Variants in EYS observed in about 807,000 individuals in gnomAD.
EYS encodes protein eyes shut homolog.
EYS carries 250 observed loss-of-function variants against 282.1 expected under a neutral mutation model. The observed-to-expected ratio is 0.89, with a 90% CI of 0.80 to 0.98. The LOEUF (loss-of-function observed/expected upper bound fraction) is 0.98, where lower values mean the gene tolerates loss of function less well. EYS is among the 50% of genes least tolerant of loss of function. EYS has a pLI of 0.00. For missense variants in EYS, 4,016 were observed against 3,709.0 expected (o/e 1.08, Z -2.15); for synonymous variants, 1,355 against 1,282.9 (o/e 1.06, Z -1.20).
Position 64,238,934 on chromosome 6 carries a change from G to A in EYS, c.6192-8110C>T, listed in dbSNP as rs1350702138. ...CATCCCCTGACAAGCCCTGGTTTGT[G>A]ATGTTCCCCTCCCTGTGTCCATGTG... On this transcript the variant is annotated intron_variant, in intron 30 of 42. Coordinates refer to ENST00000503581, the MANE Select transcript of EYS (RefSeq NM_001142800.2). Among the ~76,000 whole-genome samples, 3 of 152,200 alleles carry A rather than the reference G, an allele frequency of 2.0e-5. No individual in the cohort carries two copies. The East Asian group carries it at 5.8e-4, about 29-fold the overall frequency.
chr6:63,848,172 C>T (rs1772148328), intron 36 of EYS, among the ~76,000 whole-genome samples: 1 of 151,936 alleles, frequency 6.6e-6, no homozygotes, highest in Non-Finnish European at 1.5e-5. Flanking sequence ...CATGTTTAAT[C>T]CTTGACTTTT....
intron 30 of EYS, among the ~76,000 whole-genome samples, chr6:64,286,857 G>A (rs1366361809): frequency 6.6e-6 from 1 of 152,038 alleles, no homozygotes; most frequent in Non-Finnish European, 1.5e-5. Context: ...CTATCAGTTT[G>A]TCTTTAGTGA....
At chr6:64,209,604 T>C (rs1285566757) in intron 31 of EYS, among the ~76,000 whole-genome samples, 1 of 152,242 alleles carries the variant, frequency 6.6e-6, no homozygotes, top group East Asian at 1.9e-4. Context: ...GATTATATTC[T>C]TTCTGCAGTA....
At chr6:63,805,796 AGGCAC>A (rs1582224868) in intron 37 of EYS, among the ~76,000 whole-genome samples, 2 of 152,146 alleles carry the variant, frequency 1.3e-5, no homozygotes, top group African/African-American at 4.8e-5. Context: ...CCCCTTTACT[AGGCAC>A]GTCTTCCTGC....
At chr6:65,027,958 T>TA (rs1772472099) in intron 13 of EYS, among the ~76,000 whole-genome samples, 1 of 152,168 alleles carries the variant, frequency 6.6e-6, no homozygotes, top group Non-Finnish European at 1.5e-5. Context: ...AGTGAATACT[T>TA]AATTAACACT....
chr6:63,910,898 G>T (rs1008984237), intron 35 of EYS, among the ~76,000 whole-genome samples: 7 of 152,026 alleles, frequency 4.6e-5, no homozygotes, highest in African/African-American at 1.7e-4. Context: ...TTAGATAGCA[G>T]TTGTTAATTA....
intron 26 of EYS, among the ~76,000 whole-genome samples, chr6:64,546,735 A>G (rs1032198019): frequency 5.3e-4 from 80 of 152,228 alleles, no homozygotes; most frequent in African/African-American, 1.9e-3. Flanking sequence ...ACTTCTCAAA[A>G]AGAAGACATT....
intron 12 of EYS, among the ~76,000 whole-genome samples, chr6:65,258,045 A>G (rs1169043105): frequency 6.6e-6 from 1 of 151,914 alleles, no homozygotes; most frequent in African/African-American, 2.4e-5. Flanking sequence ...GACAACAGAT[A>G]CTCCCTTTAC....
intron 12 of EYS, among the ~76,000 whole-genome samples, chr6:65,272,944 A>T (rs1221019869): frequency 6.6e-6 from 1 of 152,198 alleles, no homozygotes; most frequent in Non-Finnish European, 1.5e-5. Context: ...TTTATAAATT[A>T]GTCACAGTGC....
At position 63,825,596 on chromosome 6, in the gene EYS, G is replaced by A. The variant is rs114537467; in HGVS notation, c.7229-19224C>T. Among the ~76,000 whole-genome samples the A allele has an allele frequency of 8.4e-3, 1,282 of 152,308 alleles. 20 individuals carry two copies. Among genetic ancestry groups the A allele is most frequent in the African/African-American group, 0.029 (1,208 of 41,562 alleles). On this transcript the variant is annotated intron_variant, in intron 36 of 42. Coordinates refer to ENST00000503581, the MANE Select transcript of EYS (RefSeq NM_001142800.2). ...TCTATGCCGACAATGGCCAGTATCA[G>A]TCCAGAGTTAGGTAGACTCGCTGGA...
At chr6:64,002,633 G>A (rs1376978225) in intron 33 of EYS, among the ~76,000 whole-genome samples, 2 of 152,174 alleles carry the variant, frequency 1.3e-5, no homozygotes, top group Non-Finnish European at 2.9e-5. Flanking sequence ...AAACAGGGGA[G>A]GCACATCCCT....
intron 10 of EYS, among the ~76,000 whole-genome samples, chr6:65,340,629 A>T (rs1770163414): frequency 6.6e-6 from 1 of 151,000 alleles, no homozygotes; most frequent in African/African-American, 2.4e-5. Flanking sequence ...TCCTTCATAA[A>T]CTCTAACCAA....
intron 13 of EYS, among the ~76,000 whole-genome samples, chr6:65,052,854 T>G (rs2150155330): frequency 6.6e-6 from 1 of 151,818 alleles, no homozygotes; most frequent in East Asian, 1.9e-4. Context: ...AGCCAACCAC[T>G]TACGCCAGTG....
At chr6:63,906,046 G>A (rs1349211709) in intron 35 of EYS, among the ~76,000 whole-genome samples, 1 of 152,110 alleles carries the variant, frequency 6.6e-6, no homozygotes, top group Admixed American at 6.5e-5. Context: ...TATGCCACCT[G>A]GAAGCAAAAA....
chr6:64,481,274 G>GTGTGTA (rs1461029125), intron 26 of EYS, among the ~76,000 whole-genome samples: 69 of 140,620 alleles, frequency 4.9e-4, no homozygotes, highest in African/African-American at 1.6e-3. Flanking sequence ...GTGTGTGTGT[G>GTGTGTA]TATATATATA....
chr6:64,485,666 T>C (rs770124800), intron 26 of EYS, among the ~76,000 whole-genome samples: 1 of 151,498 alleles, frequency 6.6e-6, no homozygotes, highest in Non-Finnish European at 1.5e-5. Flanking sequence ...TCAATGATTA[T>C]AGAAGATTAG....
intron 2 of EYS, among the ~76,000 whole-genome samples, chr6:65,549,260 G>T (rs981807199): frequency 6.6e-6 from 1 of 152,180 alleles, no homozygotes; most frequent in Non-Finnish European, 1.5e-5. Flanking sequence ...AGCAGGCAAT[G>T]TATTAACTAA....
At chr6:63,826,487 G>A (rs1017264336) in intron 36 of EYS, among the ~76,000 whole-genome samples, 7 of 152,184 alleles carry the variant, frequency 4.6e-5, no homozygotes, top group Non-Finnish European at 1.0e-4. Context: ...TAAGAGCTGT[G>A]AGACAGAAGT....
chr6:64,028,634 G>A (rs1582161980), intron 33 of EYS, among the ~76,000 whole-genome samples: 1 of 152,130 alleles, frequency 6.6e-6, no homozygotes, highest in Non-Finnish European at 1.5e-5. Context: ...CAGACCACAT[G>A]TCCCAACTTA....
Sources: allele counts gnomAD v4.1 joint callset (sites outside exome capture counted in the v4.1 genomes callset), GRCh38; gene constraint gnomAD v4.1.1; transcripts MANE v1.5; gene names NCBI Gene and HGNC (gene_info 2026-07-23, HGNC 2026-07-21).